RIPOR1: variants seen among roughly 807,000 people sequenced by gnomAD.
The protein encoded by RIPOR1 is rho family-interacting cell polarization regulator 1.
In RIPOR1, 58 loss-of-function variants were observed where a neutral mutation model predicts 116.5. The observed-to-expected ratio is 0.50, with a 90% CI of 0.40 to 0.62. The LOEUF is 0.62. RIPOR1 is among the 20% of genes least tolerant of loss of function. RIPOR1 has a pLI of 0.00. For synonymous variants in RIPOR1, 605 were observed against 650.0 expected (o/e 0.93, Z 1.05); for missense variants, 1,372 against 1,586.2 (o/e 0.86, Z 2.29).
upstream of RIPOR1, among the ~76,000 whole-genome samples, chr16:67,527,655 T>C (rs2050555234): frequency 6.6e-6 from 1 of 151,696 alleles, no homozygotes; most frequent in Admixed American, 6.6e-5. Flanking sequence ...GGCGGGCAGA[T>C]CACGAGGTCA....
intron 4 of RIPOR1, 73 bp downstream of exon 4, chr16:67,539,141 T>C: frequency 8.0e-7 from 1 of 1,250,842 alleles, no homozygotes; most frequent in Non-Finnish European, 1.1e-6. Context: ...CCCTGGGTGA[T>C]ATCTGGGCTA....
At chr16:67,527,853 CAA>C (rs796470899), upstream of RIPOR1, among the ~76,000 whole-genome samples, 11 of 67,620 alleles carry the variant, frequency 1.6e-4, no homozygotes, top group Admixed American at 5.3e-4. Context: ...CACTCTGTCT[CAA>C]AAAAAAAAAA....
intron 1 of RIPOR1, among the ~76,000 whole-genome samples, chr16:67,523,343 T>C (rs962969363): frequency 6.6e-5 from 10 of 151,958 alleles, no homozygotes; most frequent in African/African-American, 2.2e-4. Flanking sequence ...CTGGCCAACA[T>C]GGTGAAACCC....
chr16:67,533,804 C>CT (rs11410499), intron 1 of RIPOR1, among the ~76,000 whole-genome samples: 14 of 121,276 alleles, frequency 1.2e-4, no homozygotes, highest in South Asian at 1.1e-3. Flanking sequence ...CACAAGCAGT[C>CT]TTTTTTTTTT....
At chr16:67,538,888 C>A in intron 3 of RIPOR1, 64 bp downstream of exon 3, 1 of 1,610,180 alleles carries the variant, frequency 6.2e-7, no homozygotes, top group Non-Finnish European at 8.5e-7. Context: ...ATCCTGCTAG[C>A]AGGAACCTTC....
rs2051146408 is a variant in RIPOR1 at position 67,545,798 on chromosome 16, G to C, written c.3325G>C (p.Val1109Leu). The stretch of plus-strand genomic sequence containing the variant: ...CCTGCTCGTCCATGGCAACAACAAG[G>C]TCATGGCTGCTGTCAGCACCCAGCT... ...SSLLVHGNNKVMAAVSTQLRS... is the reference protein window; with the variant it reads ...SSLLVHGNNKLMAAVSTQLRS... The change falls in exon 19 of 22, where the codon GTC becomes CTC. Residue 1109 changes from valine (V) to leucine (L), a missense_variant. Val to Leu is a conservative substitution (Grantham distance 32). This residue lies in a region of RIPOR1 where 1,005 missense variants were observed against 1,144.7 expected (regional missense o/e 0.88). Coordinates refer to ENST00000042381, the MANE Select transcript of RIPOR1 (RefSeq NM_024519.4). This position sits in a 1 kb window ranked among gnomAD's most constrained non-coding sequence, Gnocchi z 4.8. The C allele has an allele frequency of 3.7e-6, 6 of 1,612,532 alleles. No homozygotes were observed. The South Asian group carries it at 6.6e-5, about 18-fold the overall frequency.
chr16:67,545,156 TC>T lies in RIPOR1; in HGVS notation c.3031+42del. On this transcript the variant is annotated intron_variant, in intron 17 of 21. Transcript: ENST00000042381. This position sits in a 1 kb window ranked among gnomAD's most constrained non-coding sequence, Gnocchi z 4.8. Reference sequence around the variant, plus strand: ...TTCCTCCTTCCACCCTTGCTCAGATTCCCAGTGACAGGAAGCTCGGGGAAGC... The same window carrying T: ...TTCCTCCTTCCACCCTTGCTCAGATTCCAGTGACAGGAAGCTCGGGGAAGC... The T allele has an allele frequency of 1.2e-6, 2 of 1,601,112 alleles. No individual in the cohort carries two copies. Among genetic ancestry groups the T allele is most frequent in the Non-Finnish European group, 1.7e-6 (2 of 1,174,616 alleles).
Position 67,546,713 on chromosome 16 carries a change from C to G in RIPOR1, c.*250C>G. On this transcript the variant is annotated 3_prime_UTR_variant, in exon 22 of 22. Coordinates refer to ENST00000042381, the MANE Select transcript of RIPOR1 (RefSeq NM_024519.4). Reference sequence around the variant, plus strand: ...TGGGGCTTGGCCACCCTGCCGCTGCCCAGCCACATCCCTTGGTTTTGTATT... The same window carrying G: ...TGGGGCTTGGCCACCCTGCCGCTGCGCAGCCACATCCCTTGGTTTTGTATT... 1.8e-6 allele frequency: 1 copy of G among 563,266 alleles called. No individual in the cohort carries two copies. The allele number at this position is 563,266 out of a possible 1,614,324, so 34.9% of individuals were successfully genotyped here.
Position 67,545,256 on chromosome 16 carries a change from A to G in RIPOR1, c.3032-120A>G. The stretch of plus-strand genomic sequence containing the variant: ...AAGACTTGGGCCTTAGAGCAGAAGG[A>G]CCCAGATGGGTGGGGTTTGAACAGG... On this transcript the variant is annotated intron_variant, in intron 17 of 21. Transcript: ENST00000042381. This position sits in a 1 kb window ranked among gnomAD's most constrained non-coding sequence, Gnocchi z 4.8. 3 of 1,511,510 alleles carry G rather than the reference A, an allele frequency of 2.0e-6. No homozygotes were observed. The highest frequency in any genetic ancestry group is 1.2e-5 in the South Asian group (1 of 81,912). 93.6% of individuals were successfully genotyped at this position (1,511,510 alleles called of 1,614,324 possible).
Position 67,541,528 on chromosome 16 carries a change from G to A in RIPOR1, c.900G>A (p.Val300=), listed in dbSNP as rs774814141. ...CCGCCCTGCCCCAGGTTGTGGCTGT[G>A]GATATCAATGACCTTGGTACCATCA... ...LFAALPQVVA[V]DINDLGTIKL... Residue 300 remains valine, a synonymous_variant, in exon 11 of 22, where the codon GTG becomes GTA. Coordinates refer to ENST00000042381, the MANE Select transcript of RIPOR1 (RefSeq NM_024519.4). The surrounding 1 kb of genome is among the most constrained non-coding windows in gnomAD (Gnocchi z 4.6). 3 of 1,614,120 alleles carry A rather than the reference G, an allele frequency of 1.9e-6. No individual in the cohort carries two copies. In the South Asian group the frequency reaches 3.3e-5, roughly 18 times the overall value.
Position 67,544,633 on chromosome 16 carries a change from G to T in RIPOR1, c.2734-62G>T. The T allele has an allele frequency of 1.2e-6, 2 of 1,603,394 alleles. No homozygotes were observed. On this transcript the variant is annotated intron_variant, in intron 15 of 21. Transcript: ENST00000042381. The surrounding 1 kb of genome is among the most constrained non-coding windows in gnomAD (Gnocchi z 5.1). ...CCAGTGCATGCTGGGACTTGTCCCT[G>T]AGCACGATCCTCCCGAGCCCTACCC...
In RIPOR1 at chr16:67,540,748, A is replaced by G; in HGVS notation, c.801+44A>G. On this transcript the variant is annotated intron_variant, in intron 10 of 21. Transcript: ENST00000042381. The surrounding 1 kb of genome is among the most constrained non-coding windows in gnomAD (Gnocchi z 4.7). ...ACGGCAGGCCACCATGGCCCTGTGA[A>G]CCCCTTGTGACCCCCATTACCCTGA... 6.5e-7 allele frequency: 1 copy of G among 1,533,618 alleles called. No homozygotes were observed. The highest frequency in any genetic ancestry group is 8.8e-7 in the Non-Finnish European group (1 of 1,138,136).
At position 67,546,423 on chromosome 16, in the gene RIPOR1, G is replaced by A. The variant is rs769298836; in HGVS notation, c.3620G>A (p.Arg1207His). Residue 1207 changes from arginine to histidine, a missense_variant, in exon 22 of 22, where the codon CGC becomes CAC. By Grantham distance (29) the Arg-to-His change is conservative. Around this residue, in one of 3 missense-constraint regions of RIPOR1, gnomAD observed 1,005 missense variants for 1,144.7 expected, o/e 0.88. Transcript: ENST00000042381. ...GAGGAGTCCCTGGACGCCCTGCCCC[G>A]CATCTTTGGGCCTGGCAGCATGGCC... Reference protein sequence around the residue: ...RLEESLDALPRIFGPGSMAST... With the variant: ...RLEESLDALPHIFGPGSMAST... The A allele has an allele frequency of 5.6e-6, 9 of 1,613,996 alleles. No individual in the cohort carries two copies. The highest frequency in any genetic ancestry group is 3.3e-5 in the South Asian group (3 of 91,082).
Position 67,539,276 on chromosome 16 carries a change from A to G in RIPOR1, c.336+208A>G, listed in dbSNP as rs1175128107. 6 of 563,604 alleles carry G rather than the reference A, an allele frequency of 1.1e-5. No homozygotes were observed. The East Asian group carries it at 1.8e-4, about 17-fold the overall frequency. 34.9% of individuals were successfully genotyped at this position (563,604 alleles called of 1,614,324 possible). A position where few individuals can be genotyped will look rare whatever the true frequency, so the allele number is the denominator to read the frequency against. On this transcript the variant is annotated intron_variant, in intron 4 of 21. Coordinates refer to ENST00000042381, the MANE Select transcript of RIPOR1 (RefSeq NM_024519.4). The stretch of plus-strand genomic sequence containing the variant: ...CTTGGGACTCAGTACCTGCTCCAGG[A>G]GCTTCCAGTGGGGTAGGTGGGACCC...
In RIPOR1 at chr16:67,542,655, C is replaced by G; in HGVS notation, c.1869C>G (p.Thr623=). The part of the protein sequence containing the change: ...ASPTHTSTSP[T]HTPTSPTHKT... ...CCACTCATACTTCCACAAGCCCCAC[C>G]CATACCCCCACAAGTCCCACCCACA... The change falls in exon 13 of 22, where the codon ACC becomes ACG. Residue 623 remains threonine, a synonymous_variant. Coordinates refer to ENST00000042381, the MANE Select transcript of RIPOR1 (RefSeq NM_024519.4). The surrounding 1 kb of genome is among the most constrained non-coding windows in gnomAD (Gnocchi z 4.6). 6.2e-7 allele frequency: 1 copy of G among 1,613,678 alleles called. No individual in the cohort carries two copies.
Position 67,542,145 on chromosome 16 carries a change from G to A in RIPOR1, c.1359G>A (p.Glu453=). 6.2e-7 allele frequency: 1 copy of A among 1,613,964 alleles called. No homozygotes were observed. The highest frequency in any genetic ancestry group is 8.5e-7 in the Non-Finnish European group (1 of 1,179,904). ...GTCGGACTCTGAGCCACATCAGTGA[G>A]GCTAGTGTAGATGCTGCCTTGGCTG... ...PYSRTLSHIS[E]ASVDAALAEA... Residue 453 remains glutamate, a synonymous_variant, in exon 13 of 22, where the codon GAG becomes GAA. Transcript: ENST00000042381. The surrounding 1 kb of genome is among the most constrained non-coding windows in gnomAD (Gnocchi z 4.6).
At position 67,542,187 on chromosome 16, in the gene RIPOR1, C is replaced by T. The variant is rs138621415; in HGVS notation, c.1401C>T (p.Ala467=). The T allele has an allele frequency of 6.2e-6, 10 of 1,613,878 alleles. No homozygotes were observed. The African/African-American group carries it at 1.2e-4, about 19-fold the overall frequency. Residue 467 remains alanine (A), a synonymous_variant, in exon 13 of 22, where the codon GCC becomes GCT. Transcript: ENST00000042381. The surrounding 1 kb of genome is among the most constrained non-coding windows in gnomAD (Gnocchi z 4.6). ...CCTTGGCTGAGGCTTCAGTGGAGGC[C>T]GTTGGCCCAGAAAGCCTAGCCTGGG... is the stretch of plus-strand genomic sequence containing the variant. ...DAALAEASVE[A]VGPESLAWGP...
Position 67,537,419 on chromosome 16 carries a change from T to A in RIPOR1, c.-23-1005T>A. On this transcript the variant is annotated intron_variant, in intron 1 of 21. Transcript: ENST00000042381. This position sits in a 1 kb window ranked among gnomAD's most constrained non-coding sequence, Gnocchi z 4.6. ...TCCCGCCCCATCCAGGCGGGCTGAGTCAGGCGGCAGGAACTGGGCGGGGGG... is the reference window on the plus strand; with the variant it reads ...TCCCGCCCCATCCAGGCGGGCTGAGACAGGCGGCAGGAACTGGGCGGGGGG... The A allele has an allele frequency of 1.6e-6, 2 of 1,238,828 alleles. No individual in the cohort carries two copies. Among genetic ancestry groups the A allele is most frequent in the Non-Finnish European group, 2.0e-6 (2 of 990,962 alleles). 76.7% of individuals were successfully genotyped at this position (1,238,828 alleles called of 1,614,324 possible).
chr16:67,530,955 G>A lies in RIPOR1; in HGVS notation c.-24+2041G>A, dbSNP rs577430838. Among the ~76,000 whole-genome samples the A allele has an allele frequency of 6.6e-6, 1 of 152,184 alleles. No homozygotes were observed. Among genetic ancestry groups the A allele is most frequent in the African/African-American group, 2.4e-5 (1 of 41,526 alleles). ...TCACCCAGCAAGGGCAATCTTGCCC[G>A]CCCATCTCCCGAAGCGGTCACTCAG... On this transcript the variant is annotated intron_variant, in intron 1 of 21. Transcript: ENST00000042381. The surrounding 1 kb of genome is among the most constrained non-coding windows in gnomAD (Gnocchi z 4.5).
Sources: allele counts gnomAD v4.1 joint callset (sites outside exome capture counted in the v4.1 genomes callset), GRCh38; gene constraint gnomAD v4.1.1; regional missense constraint gnomAD v4.1.1; non-coding constraint Gnocchi (gnomAD v3.1); transcripts MANE v1.5; gene names NCBI Gene and HGNC (gene_info 2026-07-23, HGNC 2026-07-21).